Variants in ANO5 observed in about 807,000 individuals in gnomAD.
ANO5 encodes the protein anoctamin-5.
ANO5 carries 109 observed loss-of-function variants against 121.0 expected under a neutral mutation model. That is an observed-to-expected ratio of 0.90 (90% CI 0.77 to 1.06). ANO5 has a LOEUF of 1.06. Ranked by LOEUF, ANO5 falls within the 50% of genes least tolerant of loss-of-function variation. ANO5 has a pLI of 0.00. For missense variants in ANO5, 1,064 were observed against 1,078.5 expected (o/e 0.99, Z 0.19); for synonymous variants, 406 against 359.9 (o/e 1.13, Z -1.45).
intron 7 of ANO5, among the ~76,000 whole-genome samples, chr11:22,234,941 T>C (rs1853165654): frequency 6.6e-6 from 1 of 152,046 alleles, no homozygotes; most frequent in South Asian, 2.1e-4. Flanking sequence ...TACCCTCAAC[T>C]TGAGCCAGTA....
intron 17 of ANO5, among the ~76,000 whole-genome samples, chr11:22,269,120 A>AGAAAG (rs145118628): frequency 2.0e-5 from 3 of 149,880 alleles, no homozygotes; most frequent in Non-Finnish European, 4.4e-5. Context: ...GAGGGATTAA[A>AGAAAG]GAAAGGAAAG....
chr11:22,216,228 G>A (rs1406825534), intron 3 of ANO5, among the ~76,000 whole-genome samples: 1 of 151,770 alleles, frequency 6.6e-6, no homozygotes, highest in Non-Finnish European at 1.5e-5. Context: ...TGGGTCATGT[G>A]GAAAATATAG....
At chr11:22,209,372 T>C (rs1228992785) in intron 2 of ANO5, among the ~76,000 whole-genome samples, 1 of 151,910 alleles carries the variant, frequency 6.6e-6, no homozygotes, top group Non-Finnish European at 1.5e-5. Flanking sequence ...ATGTATTATT[T>C]AATCTCACTG....
intron 1 of ANO5, among the ~76,000 whole-genome samples, chr11:22,201,788 T>A (rs1851971885): frequency 6.6e-6 from 1 of 152,314 alleles, no homozygotes; most frequent in South Asian, 2.1e-4. Flanking sequence ...ACAGTGCTAA[T>A]TCATTTATGA....
Position 22,281,926 on chromosome 11 carries a change from T to C in ANO5, c.*2161T>C, listed in dbSNP as rs1855095487. 6 of 152,140 alleles carry C rather than the reference T, an allele frequency of 3.9e-5. No homozygotes were observed. Among genetic ancestry groups the C allele is most frequent in the Admixed American group, 3.9e-4 (6 of 15,280 alleles). The allele number at this position is 152,140 out of a possible 1,614,324, so 9.4% of individuals were successfully genotyped here. On this transcript the variant is annotated 3_prime_UTR_variant, in exon 22 of 22. Transcript: ENST00000324559. ...TTAAAATGTTATGGACTGATATTTT[T>C]TATTCACCTTTAAATTTCTTATCAA...
chr11:22,211,390 C>A (rs919089455), intron 3 of ANO5, 76 bp downstream of exon 3: 1 of 1,451,132 alleles, frequency 6.9e-7, no homozygotes, highest in Non-Finnish European at 9.7e-7. Context: ...AATGATGATA[C>A]TCTTTTCCAG....
chr11:22,260,799 G>C (rs1854163366), intron 15 of ANO5, among the ~76,000 whole-genome samples: 2 of 152,136 alleles, frequency 1.3e-5, no homozygotes, highest in Admixed American at 1.3e-4. Context: ...GAGATCATCA[G>C]CTCAGGAAAA....
At chr11:22,269,385 G>GA (rs572718977) in intron 17 of ANO5, among the ~76,000 whole-genome samples, 13 of 133,916 alleles carry the variant, frequency 9.7e-5, no homozygotes, top group Middle Eastern at 4.8e-3. Context: ...AAGGAAAGAA[G>GA]AAAGGAAGGA....
chr11:22,264,637 A>G (rs1854303402), intron 17 of ANO5, among the ~76,000 whole-genome samples: 1 of 152,156 alleles, frequency 6.6e-6, no homozygotes, highest in Non-Finnish European at 1.5e-5. Context: ...TCTAACTAGA[A>G]TATTCTGGAA....
chr11:22,196,088 T>C (rs1338587659), intron 1 of ANO5, among the ~76,000 whole-genome samples: 1 of 152,228 alleles, frequency 6.6e-6, no homozygotes, highest in Admixed American at 6.5e-5. Flanking sequence ...ATTAGGTATC[T>C]TAGCCTACTT....
At chr11:22,275,502 C>G (rs554112885) in intron 20 of ANO5, among the ~76,000 whole-genome samples, 36 of 151,968 alleles carry the variant, frequency 2.4e-4, no homozygotes, top group African/African-American at 8.7e-4. Flanking sequence ...TGTCAGATTT[C>G]TGGATGTCAT....
At chr11:22,260,786 T>A (rs1854163035) in intron 15 of ANO5, among the ~76,000 whole-genome samples, 1 of 152,208 alleles carries the variant, frequency 6.6e-6, no homozygotes, top group South Asian at 2.1e-4. Context: ...CTCATGCTAC[T>A]GGGAGATCAT....
chr11:22,278,462 C>G (rs775724358), intron 21 of ANO5, among the ~76,000 whole-genome samples: 4 of 150,968 alleles, frequency 2.6e-5, no homozygotes, highest in Non-Finnish European at 4.4e-5. Context: ...CTATGAAAAC[C>G]TGGATTAATA....
rs1340217179 is a variant in ANO5 at position 22,279,874 on chromosome 11, TTTTTC to T, written c.*114_*118del. ...TCAATTTTACCCTTTCTTTTTTTTT[TTTTTC>T]TTTTTTTTTTTAAACTCAAAGTTTT... On this transcript the variant is annotated 3_prime_UTR_variant, in exon 22 of 22. Coordinates refer to ENST00000324559, the MANE Select transcript of ANO5 (RefSeq NM_213599.3). The T allele has an allele frequency of 1.4e-4, 139 of 998,206 alleles. No homozygotes were observed. Among genetic ancestry groups the T allele is most frequent in the Non-Finnish European group, 1.8e-4 (122 of 687,468 alleles). The allele number at this position is 998,206 out of a possible 1,614,324, so 61.8% of individuals were successfully genotyped here.
Position 22,193,532 on chromosome 11 carries a change from G to T in ANO5, c.40G>T (p.Gly14Trp). 6.2e-7 allele frequency: 1 copy of T among 1,612,796 alleles called. No homozygotes were observed. The change falls in exon 1 of 22, where the codon GGG (glycine) becomes TGG (tryptophan). Residue 14 changes from glycine (G) to tryptophan (W), a missense_variant and splice_region_variant. Coordinates refer to ENST00000324559, the MANE Select transcript of ANO5 (RefSeq NM_213599.3). ...TCTCCTGGAAGTGTTGGCGGAGGAA[G>T]GTAGGACCGCGCCAAGAGGCGTCAA... ...PDLLEVLAEE[G>W]EKVNKHIDYS...
intron 9 of ANO5, among the ~76,000 whole-genome samples, chr11:22,245,169 A>C (rs1188102379): frequency 1.3e-5 from 2 of 152,190 alleles, no homozygotes; most frequent in Non-Finnish European, 2.9e-5. Flanking sequence ...TTTACTATCC[A>C]GTAGATGGCA....
chr11:22,241,360 T>A (rs1853426174), intron 9 of ANO5, among the ~76,000 whole-genome samples: 1 of 127,484 alleles, frequency 7.8e-6, no homozygotes, highest in Non-Finnish European at 1.7e-5. Context: ...GACATATAGG[T>A]GCGTGCATCT....
chr11:22,240,233 T>C (rs939149653), intron 9 of ANO5, among the ~76,000 whole-genome samples: 3 of 151,986 alleles, frequency 2.0e-5, no homozygotes, highest in African/African-American at 7.2e-5. Flanking sequence ...CTCAATCCTT[T>C]AGATAGTTTC....
chr11:22,222,347 T>TAA (rs1852681306), intron 5 of ANO5, among the ~76,000 whole-genome samples: 1 of 151,976 alleles, frequency 6.6e-6, no homozygotes, highest in Non-Finnish European at 1.5e-5. Flanking sequence ...AATTCATACT[T>TAA]AGATGATTAT....
Sources: allele counts gnomAD v4.1 joint callset (sites outside exome capture counted in the v4.1 genomes callset), GRCh38; gene constraint gnomAD v4.1.1; transcripts MANE v1.5; gene names NCBI Gene and HGNC (gene_info 2026-07-23, HGNC 2026-07-21).